The following SEMA5A variants were observed in gnomAD, a reference collection of about 807,000 sequenced individuals.
The protein encoded by SEMA5A is semaphorin-5A.
SEMA5A carries 55 observed loss-of-function variants against 135.5 expected under a neutral mutation model. The ratio of observed to expected loss-of-function variants is 0.41; its 90% CI spans 0.33 to 0.51. SEMA5A has a LOEUF of 0.51. SEMA5A is among the 20% of genes least tolerant of loss of function. The pLI is 0.37. For missense variants in SEMA5A, 1,290 were observed against 1,419.9 expected, an observed-to-expected ratio of 0.91 and a Z score of 1.47; for synonymous variants, 580 against 546.5, an observed-to-expected ratio of 1.06 and a Z score of -0.85.
chr5:9,465,392 A>T (rs1428697028), intron 1 of SEMA5A, among the ~76,000 whole-genome samples: 1 of 152,240 alleles, frequency 6.6e-6, no homozygotes, highest in Non-Finnish European at 1.5e-5. Flanking sequence ...ATCAAAAAGG[A>T]GCATTTTAAA....
intron 5 of SEMA5A, among the ~76,000 whole-genome samples, chr5:9,241,868 G>A (rs1486390584): frequency 1.3e-5 from 2 of 152,096 alleles, no homozygotes; most frequent in Non-Finnish European, 2.9e-5. Flanking sequence ...TAATTAGATA[G>A]GGACCAGCAA....
chr5:9,340,231 G>C (rs552126405), intron 3 of SEMA5A, among the ~76,000 whole-genome samples: 1 of 152,160 alleles, frequency 6.6e-6, no homozygotes, highest in South Asian at 2.1e-4. Flanking sequence ...TGACCAGGGA[G>C]CACTGCCAGG....
intron 12 of SEMA5A, among the ~76,000 whole-genome samples, chr5:9,154,062 A>AATAT (rs1553993746): frequency 2.3e-4 from 16 of 68,298 alleles, no homozygotes; most frequent in African/African-American, 5.7e-4. Flanking sequence ...AAAAAAAAAA[A>AATAT]ATATATATAT....
At chr5:9,179,530 T>C (rs1744388443) in intron 11 of SEMA5A, among the ~76,000 whole-genome samples, 1 of 152,218 alleles carries the variant, frequency 6.6e-6, no homozygotes, top group East Asian at 1.9e-4. Flanking sequence ...TCATATTATT[T>C]TGTGGTTGGG....
chr5:9,530,823 C>T (rs1001776070), intron 1 of SEMA5A, among the ~76,000 whole-genome samples: 1 of 152,100 alleles, frequency 6.6e-6, no homozygotes, highest in Admixed American at 6.5e-5. Context: ...AGGAGCTTTC[C>T]AGGAAACCCC....
At chr5:9,331,377 C>A (rs553918803) in intron 4 of SEMA5A, among the ~76,000 whole-genome samples, 4 of 152,128 alleles carry the variant, frequency 2.6e-5, no homozygotes, top group Non-Finnish European at 5.9e-5. Context: ...TTATTTTATG[C>A]GTCTCATAAG....
In SEMA5A at chr5:9,037,102, T is replaced by A. The variant is rs1392005286; in HGVS notation, c.*5795A>T. 1 of 152,106 alleles carries A rather than the reference T, an allele frequency of 6.6e-6. No homozygotes were observed. The highest frequency in any genetic ancestry group is 1.5e-5 in the Non-Finnish European group (1 of 67,986). The allele number at this position is 152,106 out of a possible 1,614,324, so 9.4% of individuals were successfully genotyped here. A position where few individuals can be genotyped will look rare whatever the true frequency, so the allele number is the denominator to read the frequency against. On this transcript the variant is annotated 3_prime_UTR_variant, in exon 23 of 23. Transcript: ENST00000382496. The stretch of plus-strand genomic sequence containing the variant: ...AGATTTTAGAGCAAATATGAAGGGG[T>A]GGAATAAATTTTCTTGCTTGATTGA...
intron 11 of SEMA5A, among the ~76,000 whole-genome samples, chr5:9,171,221 G>A (rs549138781): frequency 1.3e-5 from 2 of 152,250 alleles, no homozygotes; most frequent in East Asian, 3.9e-4. Context: ...TTGAGTTGGT[G>A]TTTGACAGTG....
chr5:9,224,364 C>T (rs1306846724), intron 8 of SEMA5A, among the ~76,000 whole-genome samples: 2 of 151,204 alleles, frequency 1.3e-5, no homozygotes, highest in Admixed American at 6.6e-5. Context: ...GGAGTCTACA[C>T]ATGACAAGCT....
chr5:9,404,422 A>G (rs1316358241), intron 2 of SEMA5A, among the ~76,000 whole-genome samples: 1 of 146,068 alleles, frequency 6.8e-6, no homozygotes, highest in Non-Finnish European at 1.6e-5. Context: ...GGTTTCAAAT[A>G]ACAACCTCCA....
intron 1 of SEMA5A, among the ~76,000 whole-genome samples, chr5:9,441,092 G>A (rs547268916): frequency 7.2e-5 from 11 of 152,288 alleles, no homozygotes; most frequent in South Asian, 4.1e-4. Flanking sequence ...CAGTCCCTCC[G>A]TTAATCACCA....
At chr5:9,295,245 G>A (rs1423190097) in intron 5 of SEMA5A, among the ~76,000 whole-genome samples, 2 of 152,114 alleles carry the variant, frequency 1.3e-5, no homozygotes, top group Non-Finnish European at 2.9e-5. Flanking sequence ...GTCCATTTGG[G>A]TGAATCTGAT....
chr5:9,037,456 C>T lies in SEMA5A; in HGVS notation c.*5441G>A, dbSNP rs1442573247. ...TTTCAAAAGTGGATAGGATTCCCTT[C>T]CTCATGCTTCTGTAACATGTATCAA... On this transcript the variant is annotated 3_prime_UTR_variant, in exon 23 of 23. Coordinates refer to ENST00000382496, the MANE Select transcript of SEMA5A (RefSeq NM_003966.3). 6.6e-6 allele frequency: 1 copy of T among 152,182 alleles called. No individual in the cohort carries two copies. Among genetic ancestry groups the T allele is most frequent in the Non-Finnish European group, 1.5e-5 (1 of 68,032 alleles). The allele number at this position is 152,182 out of a possible 1,614,324, so 9.4% of individuals were successfully genotyped here.
At chr5:9,385,273 G>A (rs1268918938) in intron 2 of SEMA5A, among the ~76,000 whole-genome samples, 2 of 152,112 alleles carry the variant, frequency 1.3e-5, no homozygotes, top group South Asian at 2.1e-4. Flanking sequence ...AACTGAATAG[G>A]CTTTGGGGAC....
intron 5 of SEMA5A, among the ~76,000 whole-genome samples, chr5:9,253,416 C>T (rs1044790613): frequency 3.9e-5 from 6 of 152,026 alleles, no homozygotes; most frequent in Admixed American, 3.9e-4. Flanking sequence ...AATCAAGCCA[C>T]ATACACATAC....
chr5:9,410,840 A>C (rs1757079317), intron 2 of SEMA5A, among the ~76,000 whole-genome samples: 1 of 151,204 alleles, frequency 6.6e-6, no homozygotes, highest in Non-Finnish European at 1.5e-5. Flanking sequence ...GAAGAAATGA[A>C]AAACAAAAAA....
At chr5:9,480,764 G>A (rs1480329872) in intron 1 of SEMA5A, among the ~76,000 whole-genome samples, 1 of 152,096 alleles carries the variant, frequency 6.6e-6, no homozygotes, top group Non-Finnish European at 1.5e-5. Flanking sequence ...AGAGGTGTCA[G>A]CATCAGTCCT....
chr5:9,216,739 T>C (rs1055989479), intron 8 of SEMA5A, among the ~76,000 whole-genome samples: 1 of 152,208 alleles, frequency 6.6e-6, no homozygotes, highest in Non-Finnish European at 1.5e-5. Context: ...ATGTAATGCC[T>C]GTCTTTGTCT....
intron 11 of SEMA5A, among the ~76,000 whole-genome samples, chr5:9,164,693 AT>A (rs1180491477): frequency 6.6e-6 from 1 of 152,194 alleles, no homozygotes; most frequent in African/African-American, 2.4e-5. Flanking sequence ...TAAAACCTTT[AT>A]GCTACTGCCT....
Sources: allele counts gnomAD v4.1 joint callset (sites outside exome capture counted in the v4.1 genomes callset), GRCh38; gene constraint gnomAD v4.1.1; transcripts MANE v1.5; gene names NCBI Gene and HGNC (gene_info 2026-07-23, HGNC 2026-07-21).